ZDHHC13: variants seen among roughly 807,000 people sequenced by gnomAD.
The protein encoded by ZDHHC13 is zDHHC palmitoyltransferase 13, also known as palmitoyltransferase ZDHHC13.
Under a neutral mutation model 86.0 loss-of-function variants are expected in ZDHHC13, and 85 were observed. The observed-to-expected ratio is 0.99, with a 90% CI of 0.83 to 1.18. The LOEUF is 1.18. ZDHHC13 is among the 50% of genes most tolerant of loss of function. The pLI is 0.00. For missense variants in ZDHHC13, 711 were observed against 730.2 expected, an observed-to-expected ratio of 0.97 and a Z score of 0.30; for synonymous variants, 263 against 246.4, an observed-to-expected ratio of 1.07 and a Z score of -0.63.
chr11:19,135,804 C>T (rs1849121761), intron 1 of ZDHHC13, among the ~76,000 whole-genome samples: 1 of 152,228 alleles, frequency 6.6e-6, no homozygotes, highest in Non-Finnish European at 1.5e-5. Context: ...CACCCCCCAG[C>T]AGGGGTAGAC....
At chr11:19,160,956 G>T (rs1849894318) in intron 10 of ZDHHC13, among the ~76,000 whole-genome samples, 1 of 151,896 alleles carries the variant, frequency 6.6e-6, no homozygotes, top group African/African-American at 2.4e-5. Context: ...TCAACAAGAT[G>T]GATGATTTTA....
chr11:19,152,804 C>A, intron 8 of ZDHHC13, 120 bp downstream of exon 8: 1 of 1,461,446 alleles, frequency 6.8e-7, no homozygotes. Context: ...TATCTGCTGA[C>A]TATATCTTTC....
chr11:19,164,419 G>A, intron 12 of ZDHHC13, 56 bp downstream of exon 12: 6 of 1,508,752 alleles, frequency 4.0e-6, no homozygotes, highest in Non-Finnish European at 5.5e-6. Flanking sequence ...TGGTAACGTT[G>A]CTGATGTAAG....
intron 1 of ZDHHC13, among the ~76,000 whole-genome samples, chr11:19,140,205 C>A (rs971128714): frequency 2.6e-5 from 4 of 151,026 alleles, no homozygotes; most frequent in Non-Finnish European, 4.4e-5. Flanking sequence ...CAATGAACTC[C>A]AACAAATTTA....
intron 1 of ZDHHC13, among the ~76,000 whole-genome samples, chr11:19,139,296 A>C (rs977570632): frequency 1.1e-4 from 16 of 152,150 alleles, no homozygotes; most frequent in African/African-American, 3.6e-4. Context: ...CCAAATTATG[A>C]GTGAACTCCC....
chr11:19,160,055 G>GT (rs1393089285), intron 10 of ZDHHC13, among the ~76,000 whole-genome samples: 1 of 151,968 alleles, frequency 6.6e-6, no homozygotes, highest in Non-Finnish European at 1.5e-5. Flanking sequence ...AGAACAGAAT[G>GT]TTTATGGGAG....
intron 1 of ZDHHC13, among the ~76,000 whole-genome samples, chr11:19,142,181 C>T (rs997061168): frequency 2.0e-5 from 3 of 152,102 alleles, no homozygotes; most frequent in African/African-American, 7.2e-5. Context: ...TAGCAGAATT[C>T]AGTTTCTTGC....
chr11:19,140,117 A>C (rs1423669679), intron 1 of ZDHHC13, among the ~76,000 whole-genome samples: 9 of 149,992 alleles, frequency 6.0e-5, no homozygotes, highest in Admixed American at 3.3e-4. Context: ...CTACCATCAG[A>C]GTGAACAGGC....
intron 5 of ZDHHC13, 108 bp from the exon 6 acceptor site, chr11:19,150,619 G>A: frequency 1.1e-6 from 1 of 922,232 alleles, no homozygotes; most frequent in Non-Finnish European, 1.6e-6. Flanking sequence ...AGCCCTTTAT[G>A]TAGAAATAAT....
chr11:19,150,381 G>A (rs1356267446), intron 5 of ZDHHC13, among the ~76,000 whole-genome samples: 2 of 152,228 alleles, frequency 1.3e-5, no homozygotes, highest in South Asian at 2.1e-4. Context: ...ATGATAATGC[G>A]AATTAATGTG....
intron 5 of ZDHHC13, among the ~76,000 whole-genome samples, chr11:19,150,434 T>G (rs1590078448): frequency 6.6e-6 from 1 of 152,022 alleles, no homozygotes; most frequent in African/African-American, 2.4e-5. Context: ...GTCTCTACCA[T>G]CTCTTGTATT....
At chr11:19,136,950 C>T (rs574313270) in intron 1 of ZDHHC13, among the ~76,000 whole-genome samples, 11 of 152,070 alleles carry the variant, frequency 7.2e-5, no homozygotes, top group South Asian at 2.1e-4. Flanking sequence ...AGATACCAGC[C>T]GCTGCAAAAT....
At chr11:19,150,654 A>G in intron 5 of ZDHHC13, 73 bp from the exon 6 acceptor site, 4 of 1,278,226 alleles carry the variant, frequency 3.1e-6, no homozygotes, top group Non-Finnish European at 4.5e-6. Flanking sequence ...TATTAAAGAG[A>G]TATTTCTATT....
rs79596311 is a variant in ZDHHC13, at chr11:19,142,747, T to G, written c.28-231T>G. Among the ~76,000 whole-genome samples the G allele has an allele frequency of 0.026, 3,981 of 152,182 alleles. 74 individuals carry two copies. The highest frequency in any genetic ancestry group is 0.04 in the Non-Finnish European group (2,695 of 67,982). On this transcript the variant is annotated intron_variant, in intron 1 of 16. Coordinates refer to ENST00000446113, the MANE Select transcript of ZDHHC13 (RefSeq NM_019028.3). ...TTAGGATACACTTTTTTTTTCTTTTTTTTTTGAGACAGAGTCTCACTCTGT... is the reference window on the plus strand; with the variant it reads ...TTAGGATACACTTTTTTTTTCTTTTGTTTTTGAGACAGAGTCTCACTCTGT...
chr11:19,149,961 C>A (rs1011930352), intron 5 of ZDHHC13, among the ~76,000 whole-genome samples: 1 of 152,208 alleles, frequency 6.6e-6, no homozygotes. Flanking sequence ...TAAGCACTTT[C>A]TCTCAGACTT....
Position 19,172,763 on chromosome 11 carries a change from T to C in ZDHHC13, c.1673T>C (p.Leu558Pro). Residue 558 changes from leucine to proline, a missense_variant, in exon 16 of 17, where the codon CTG becomes CCG. Physicochemically the swap from Leu to Pro is moderately conservative, Grantham distance 98. Transcript: ENST00000446113. ...CTGACCTCCCATGAGAGAATCAGCC[T>C]GCAGAAGCAGAGCAAGCATATGAAA... is the stretch of plus-strand genomic sequence containing the variant. ...LGLTSHERIS[L>P]QKQSKHMKQT... The C allele has an allele frequency of 1.2e-6, 2 of 1,606,358 alleles. No individual in the cohort carries two copies. The highest frequency in any genetic ancestry group is 1.7e-6 in the Non-Finnish European group (2 of 1,176,334).
rs1222468698 is a variant in ZDHHC13, at chr11:19,158,981, C to T, written c.1049C>T (p.Ala350Val). The change falls in exon 10 of 17, where the codon GCC becomes GTC. Residue 350 changes from alanine to valine, a missense_variant. Transcript: ENST00000446113. The stretch of plus-strand genomic sequence containing the variant: ...AAGAACCTTGTATACTTACCAACAG[C>T]CTTTCTGCTAAGTTCTGTTTTTTGG... Reference protein sequence around the residue: ...GYKNLVYLPTAFLLSSVFWIF... With the variant: ...GYKNLVYLPTVFLLSSVFWIF... The T allele has an allele frequency of 1.9e-6, 3 of 1,549,082 alleles. No homozygotes were observed. The highest frequency in any genetic ancestry group is 1.7e-6 in the Non-Finnish European group (2 of 1,145,990).
At chr11:19,133,943 A>ATATATATATATATATATGTATG (rs1849065007) in intron 1 of ZDHHC13, among the ~76,000 whole-genome samples, 1 of 39,340 alleles carries the variant, frequency 2.5e-5, no homozygotes, top group African/African-American at 4.6e-5. Flanking sequence ...ATATATATAT[A>ATATATATATATATATATGTATG]CACGTATGTG....
At chr11:19,162,813 T>C (rs1207123807) in intron 10 of ZDHHC13, among the ~76,000 whole-genome samples, 1 of 152,152 alleles carries the variant, frequency 6.6e-6, no homozygotes, top group Non-Finnish European at 1.5e-5. Flanking sequence ...ATAAAGAAAT[T>C]ATGATGTGAT....
Sources: gnomAD v4.1 joint callset for allele counts (sites outside exome capture counted in the v4.1 genomes callset) on GRCh38, gnomAD v4.1.1 for gene constraint, MANE v1.5 for transcripts, NCBI Gene and HGNC (gene_info 2026-07-23, HGNC 2026-07-21) for gene names.